Variants in KCNMA1 observed in about 807,000 individuals in gnomAD.
The protein encoded by KCNMA1 is Calcium-activated potassium channel subunit alpha-1.
A neutral mutation model predicts 140.0 loss-of-function variants in KCNMA1; 29 were observed. That is an observed-to-expected ratio of 0.21 (90% CI 0.15 to 0.28). The LOEUF (loss-of-function observed/expected upper bound fraction) is 0.28. Ranked by LOEUF, KCNMA1 falls within the 10% of genes least tolerant of loss-of-function variation. The pLI is 1.00. For synonymous variants in KCNMA1, 612 were observed against 611.9 expected, an observed-to-expected ratio of 1.00 and a Z score of 0.00; for missense variants, 880 against 1,602.2, an observed-to-expected ratio of 0.55 and a Z score of 7.70.
downstream of KCNMA1, chr10:76,884,790 G>GA: frequency 2.9e-6 from 2 of 690,958 alleles, no homozygotes; most frequent in Non-Finnish European, 4.4e-6. Context: ...AAAGGAGAGG[G>GA]AAAGGGGAGG....
intron 2 of KCNMA1, among the ~76,000 whole-genome samples, chr10:77,271,884 C>A (rs758282730): frequency 1.3e-5 from 2 of 152,172 alleles, no homozygotes; most frequent in Admixed American, 6.5e-5. Flanking sequence ...AATGTCTGTC[C>A]CTTTCCTATC....
In KCNMA1 at chr10:77,549,716, A is replaced by G. The variant is rs2062298488; in HGVS notation, c.378+87549T>C. Among the ~76,000 whole-genome samples the G allele has an allele frequency of 1.3e-5, 2 of 152,212 alleles. 1 individual carries two copies. The highest frequency in any genetic ancestry group is 4.1e-4 in the South Asian group (2 of 4,832). On this transcript the variant is annotated intron_variant, in intron 1 of 27. Transcript: ENST00000286628. ...ATTTTCAGTAACGTCCTGTCTAAAC[A>G]TCCCACCAGACTCTCAACGCAACAT...
chr10:77,512,333 C>G (rs1028279514), intron 1 of KCNMA1, among the ~76,000 whole-genome samples: 2 of 152,176 alleles, frequency 1.3e-5, no homozygotes, highest in East Asian at 1.9e-4. Context: ...ACCCACAGTA[C>G]AGTACAATGA....
At chr10:76,979,625 TTG>T (rs2078802202) in intron 19 of KCNMA1, 1 of 152,202 alleles carries the variant, frequency 6.6e-6, no homozygotes, top group African/African-American at 2.4e-5. Context: ...TAGAATCTAA[TTG>T]TGTATATGTG....
intron 1 of KCNMA1, among the ~76,000 whole-genome samples, chr10:77,442,386 C>G (rs1566878728): frequency 6.6e-6 from 1 of 152,056 alleles, no homozygotes; most frequent in Non-Finnish European, 1.5e-5. Context: ...TGGGCTTTCT[C>G]TACTCCACAC....
chr10:77,627,319 C>T (rs2092655705), intron 1 of KCNMA1, among the ~76,000 whole-genome samples: 1 of 152,162 alleles, frequency 6.6e-6, no homozygotes, highest in Non-Finnish European at 1.5e-5. Context: ...CCACGTGAAA[C>T]TGAGAAGGGG....
chr10:77,233,744 T>C (rs2054422983), intron 3 of KCNMA1, among the ~76,000 whole-genome samples: 1 of 152,178 alleles, frequency 6.6e-6, no homozygotes, highest in African/African-American at 2.4e-5. Context: ...CCCTTTCTCG[T>C]TATCTCTTTT....
intron 2 of KCNMA1, among the ~76,000 whole-genome samples, chr10:77,391,987 G>A (rs1056275402): frequency 6.6e-6 from 1 of 151,156 alleles, no homozygotes; most frequent in African/African-American, 2.4e-5. Context: ...TGAAGGCCTT[G>A]GGGGAAAACC....
chr10:77,487,686 G>C (rs1603628775), intron 1 of KCNMA1, among the ~76,000 whole-genome samples: 1 of 152,212 alleles, frequency 6.6e-6, no homozygotes, highest in African/African-American at 2.4e-5. Context: ...GCATGGGACA[G>C]AGTAAGTAGT....
chr10:77,511,064 A>C (rs1408268881), intron 1 of KCNMA1, among the ~76,000 whole-genome samples: 1 of 152,212 alleles, frequency 6.6e-6, no homozygotes, highest in African/African-American at 2.4e-5. Flanking sequence ...AACACCTGTG[A>C]GTATGTTGGG....
At chr10:76,971,917 GA>G (rs1472327452) in intron 19 of KCNMA1, among the ~76,000 whole-genome samples, 1 of 152,124 alleles carries the variant, frequency 6.6e-6, no homozygotes, top group African/African-American at 2.4e-5. Context: ...CCTTTCACAG[GA>G]TAGGGGACCA....
intron 18 of KCNMA1, among the ~76,000 whole-genome samples, chr10:77,005,434 A>G (rs752417944): frequency 1.4e-4 from 22 of 152,208 alleles, no homozygotes; most frequent in Non-Finnish European, 2.9e-4. Flanking sequence ...GGAGCAGACA[A>G]GAGTGTGTCT....
At chr10:77,167,461 T>C (rs901925118) in intron 5 of KCNMA1, among the ~76,000 whole-genome samples, 1 of 152,120 alleles carries the variant, frequency 6.6e-6, no homozygotes, top group South Asian at 2.1e-4. Context: ...ATCTTTCCTA[T>C]AGTAGGGCTA....
chr10:77,515,132 A>G (rs1201583167), intron 1 of KCNMA1, among the ~76,000 whole-genome samples: 1 of 152,118 alleles, frequency 6.6e-6, no homozygotes, highest in Admixed American at 6.5e-5. Flanking sequence ...TCCTTAATCC[A>G]AAAAAGGATC....
chr10:77,529,211 C>T (rs940067604), intron 1 of KCNMA1, among the ~76,000 whole-genome samples: 1 of 150,534 alleles, frequency 6.6e-6, no homozygotes, highest in Non-Finnish European at 1.5e-5. Context: ...CTAAGTTCCC[C>T]CACTGTGTTC....
intron 3 of KCNMA1, among the ~76,000 whole-genome samples, chr10:77,229,356 A>G (rs1035722373): frequency 1.5e-5 from 2 of 130,146 alleles, no homozygotes; most frequent in African/African-American, 2.9e-5. Context: ...AAAAAAAAAA[A>G]CTTTCTATAA....
chr10:76,982,668 C>T (rs893848255), intron 19 of KCNMA1, among the ~76,000 whole-genome samples: 1 of 152,028 alleles, frequency 6.6e-6, no homozygotes, highest in African/African-American at 2.4e-5. Context: ...ATAGAATTTG[C>T]ACAATATTTA....
intron 14 of KCNMA1, among the ~76,000 whole-genome samples, chr10:77,070,742 A>G (rs777362990): frequency 5.3e-5 from 8 of 152,198 alleles, no homozygotes; most frequent in Non-Finnish European, 8.8e-5. Context: ...ATAATACATA[A>G]AACATGCCAA....
intron 2 of KCNMA1, among the ~76,000 whole-genome samples, chr10:77,325,449 T>C (rs1251011260): frequency 6.6e-6 from 1 of 152,188 alleles, no homozygotes; most frequent in Non-Finnish European, 1.5e-5. Flanking sequence ...TTTGGGGAGC[T>C]CTGGGCTTTG....
Sources: gnomAD v4.1 joint callset for allele counts (sites outside exome capture counted in the v4.1 genomes callset) on GRCh38, gnomAD v4.1.1 for gene constraint, MANE v1.5 for transcripts, NCBI Gene and HGNC (gene_info 2026-07-23, HGNC 2026-07-21) for gene names.